COL6A5: variants seen among roughly 807,000 people sequenced by gnomAD.
COL6A5 encodes the protein collagen type VI alpha 5 chain, also known as collagen alpha-5(VI) chain.
A neutral mutation model predicts 65.6 loss-of-function variants in COL6A5; 48 were observed. The observed-to-expected ratio is 0.73, with a 90% CI of 0.58 to 0.93. The LOEUF (loss-of-function observed/expected upper bound fraction) is 0.93, where lower values mean the gene tolerates loss of function less well. COL6A5 is among the 40% of genes least tolerant of loss of function. The probability of loss-of-function intolerance (pLI) is 0.00; values close to 1 mark genes in which losing one functional copy is unlikely to be tolerated. For synonymous variants in COL6A5, 291 were observed against 322.8 expected (o/e 0.90, Z 1.05); for missense variants, 914 against 928.3 (o/e 0.98, Z 0.20).
In COL6A5 at chr3:130,455,996, C is replaced by CT. The variant is rs879367885; in HGVS notation, c.1544+338dup. Among the ~76,000 whole-genome samples the CT allele has an allele frequency of 2.1e-4, 32 of 151,830 alleles. No individual in the cohort carries two copies. In the East Asian group the frequency reaches 4.9e-3, roughly 23 times the overall value. On this transcript the variant is annotated intron_variant, in intron 5 of 7. Coordinates refer to ENST00000512836, the Ensembl canonical transcript of COL6A5. Reference sequence around the variant, plus strand: ...CAGAACAAAGGAGGGATTAAAATGACTTTTTTTTGGGGGGAGGAATGGAGT... The same window carrying CT: ...CAGAACAAAGGAGGGATTAAAATGACTTTTTTTTTGGGGGGAGGAATGGAGT...
chr3:130,421,411 G>C, intron 27 of COL6A5, 51 bp downstream of exon 27: 1 of 1,513,726 alleles, frequency 6.6e-7, no homozygotes, highest in South Asian at 1.2e-5. Context: ...CCTTCTACTT[G>C]AGAACTGAGA....
intron 7 of COL6A5, among the ~76,000 whole-genome samples, chr3:130,481,345 C>A (rs534625969): frequency 1.3e-5 from 2 of 152,150 alleles, no homozygotes; most frequent in East Asian, 3.9e-4. Context: ...TGGTTTCCAG[C>A]TTCATCCATG....
chr3:130,372,628 G>C (rs992006339), intron 1 of COL6A5, among the ~76,000 whole-genome samples: 6 of 152,176 alleles, frequency 3.9e-5, no homozygotes, highest in Non-Finnish European at 7.3e-5. Flanking sequence ...CAAATCCATA[G>C]AGAAAGCAAG....
intron 19 of COL6A5, 121 bp from the exon 20 acceptor site, chr3:130,410,350 G>A: frequency 1.4e-6 from 1 of 734,450 alleles, no homozygotes; most frequent in Non-Finnish European, 2.3e-6. Flanking sequence ...TATGCAGAAT[G>A]ATCACAGCAT....
chr3:130,380,505 A>G (rs1337806377), intron 4 of COL6A5, among the ~76,000 whole-genome samples: 5 of 151,896 alleles, frequency 3.3e-5, no homozygotes, highest in African/African-American at 4.8e-5. Flanking sequence ...ATAGACAAAT[A>G]CACAGTTTTT....
chr3:130,472,508 C>T (rs569352980), intron 7 of COL6A5, among the ~76,000 whole-genome samples: 5 of 151,798 alleles, frequency 3.3e-5, no homozygotes, highest in African/African-American at 1.2e-4. Context: ...TCTAGGGCAG[C>T]GATTCACAGT....
intron 7 of COL6A5, among the ~76,000 whole-genome samples, chr3:130,480,093 C>T (rs1369461522): frequency 6.6e-6 from 1 of 151,954 alleles, no homozygotes; most frequent in Non-Finnish European, 1.5e-5. Context: ...TTTATCAGTG[C>T]TTAAATATAT....
At chr3:130,391,499 A>G in exon 7 of COL6A5, 1 of 1,551,720 alleles carries the variant, frequency 6.4e-7, no homozygotes, top group Non-Finnish European at 8.7e-7. Flanking sequence ...CAGCCGCATC[A>G]AGCAAAATGT....
chr3:130,433,872 CATCCCTTGT>C (rs1480172143), intron 1 of COL6A5, among the ~76,000 whole-genome samples: 1 of 151,990 alleles, frequency 6.6e-6, no homozygotes, highest in Non-Finnish European at 1.5e-5. Flanking sequence ...ACTCACCTCA[CATCCCTTGT>C]ATCCCTTGTT....
chr3:130,461,870 A>G (rs1471045246), intron 5 of COL6A5, among the ~76,000 whole-genome samples: 1 of 151,896 alleles, frequency 6.6e-6, no homozygotes, highest in Non-Finnish European at 1.5e-5. Flanking sequence ...TTGGGTGTAA[A>G]TGACTCCTAA....
At chr3:130,444,509 C>A (rs1416137058) in intron 4 of COL6A5, among the ~76,000 whole-genome samples, 19 of 152,156 alleles carry the variant, frequency 1.2e-4, no homozygotes, top group Non-Finnish European at 2.6e-4. Flanking sequence ...CGTTCTTCCG[C>A]CATGGCTTCA....
At chr3:130,397,880 C>G in exon 9 of COL6A5, 5 of 1,551,664 alleles carry the variant, frequency 3.2e-6, no homozygotes, top group Non-Finnish European at 4.4e-6. Context: ...TTCTTGCGGT[C>G]TCTTTGGGAC....
Position 130,474,128 on chromosome 3 carries a change from T to A in COL6A5, c.2328+3161T>A, listed in dbSNP as rs541985010. Reference sequence around the variant, plus strand: ...GTGGGCCAGCATGTGTGGGTAACCTTAGGGAGAAGAGAGCTGAACAAAGGA... The same window carrying A: ...GTGGGCCAGCATGTGTGGGTAACCTAAGGGAGAAGAGAGCTGAACAAAGGA... On this transcript the variant is annotated intron_variant, in intron 7 of 7. Transcript: ENST00000512836. Among the ~76,000 whole-genome samples, 157 of 152,126 alleles carry A rather than the reference T, an allele frequency of 1.0e-3. 1 individual carries two copies. Among genetic ancestry groups the A allele is most frequent in the African/African-American group, 3.6e-3 (148 of 41,522 alleles).
Position 130,379,313 on chromosome 3 carries a change from A to T in COL6A5, c.668-105A>T, listed in dbSNP as rs1935903474. 2.9e-6 allele frequency: 3 copies of T among 1,049,748 alleles called. No homozygotes were observed. The African/African-American group carries it at 4.9e-5, about 17-fold the overall frequency. The allele number at this position is 1,049,748 out of a possible 1,614,324, so 65.0% of individuals were successfully genotyped here. A position where few individuals can be genotyped will look rare whatever the true frequency, so the allele number is the denominator to read the frequency against. Reference sequence around the variant, plus strand: ...GAAAACGATGCTGTCTACATCCATCATGACTACCTCTATTCTAACTAATGT... The same window carrying T: ...GAAAACGATGCTGTCTACATCCATCTTGACTACCTCTATTCTAACTAATGT... On this transcript the variant is annotated intron_variant and NMD_transcript_variant, in intron 3 of 41. Transcript: ENST00000312481.
chr3:130,401,032 A>G (rs1331057513), exon 11 of COL6A5: 11 of 1,543,294 alleles, frequency 7.1e-6, no homozygotes, highest in Non-Finnish European at 8.7e-6. Flanking sequence ...ACCACATAGG[A>G]CTTGATGCTC....
At chr3:130,442,696 C>T (rs1230850992) in intron 3 of COL6A5, among the ~76,000 whole-genome samples, 1 of 152,168 alleles carries the variant, frequency 6.6e-6, no homozygotes, top group Non-Finnish European at 1.5e-5. Context: ...ATGACCACTG[C>T]ATCACAATTC....
At chr3:130,362,308 ATATATATATATATATATATTTTTTTT>A (rs1257235709) in intron 1 of COL6A5, among the ~76,000 whole-genome samples, 409 of 21,076 alleles carry the variant, frequency 0.019, 22 homozygotes, top group African/African-American at 0.06. Flanking sequence ...ATATATATAT[ATATATATATATATATATATTTTTTTT>A]TTTTTTTTTT....
intron 1 of COL6A5, among the ~76,000 whole-genome samples, chr3:130,363,988 G>A (rs1210439100): frequency 6.6e-6 from 1 of 152,066 alleles, no homozygotes; most frequent in Admixed American, 6.6e-5. Flanking sequence ...TTTTCAGTTT[G>A]CTTAGTTTTT....
intron 1 of COL6A5, among the ~76,000 whole-genome samples, chr3:130,359,192 G>C (rs920718514): frequency 6.6e-6 from 1 of 152,084 alleles, no homozygotes; most frequent in Non-Finnish European, 1.5e-5. Flanking sequence ...GGTACATTTA[G>C]GAAGAATATT....
Sources: allele counts gnomAD v4.1 joint callset (sites outside exome capture counted in the v4.1 genomes callset), GRCh38; gene constraint gnomAD v4.1.1; transcripts MANE v1.5; gene names NCBI Gene and HGNC (gene_info 2026-07-23, HGNC 2026-07-21).